Variants in ZNF215 observed in about 807,000 individuals in gnomAD.
ZNF215 encodes zinc finger protein 215.
Under a neutral mutation model 27.2 loss-of-function variants are expected in ZNF215, and 24 were observed. The observed-to-expected ratio is 0.88, with a 90% confidence interval of 0.64 to 1.24. The LOEUF (loss-of-function observed/expected upper bound fraction) is 1.24, where lower values mean the gene tolerates loss of function less well. Ranked by LOEUF, ZNF215 falls within the 50% of genes most tolerant of loss-of-function variation. The pLI, the probability that ZNF215 is intolerant of heterozygous loss-of-function variation, is 0.00. For missense variants in ZNF215, 675 were observed against 605.7 expected (o/e 1.11, Z -1.20); for synonymous variants, 210 against 204.0 (o/e 1.03, Z -0.25).
chr11:6,936,355 A>G (rs1849434102), intron 3 of ZNF215, among the ~76,000 whole-genome samples: 1 of 152,104 alleles, frequency 6.6e-6, no homozygotes, highest in South Asian at 2.1e-4. Context: ...AGAGAATACT[A>G]GGAGCAATTA....
downstream of ZNF215, chr11:6,988,222 C>T: frequency 1.0e-6 from 1 of 985,428 alleles, no homozygotes; most frequent in Non-Finnish European, 1.2e-6. Flanking sequence ...ATAGGGAGAA[C>T]ACACTGAAGG....
downstream of ZNF215, among the ~76,000 whole-genome samples, chr11:6,993,503 G>A (rs1851141715): frequency 6.6e-6 from 1 of 151,140 alleles, no homozygotes; most frequent in African/African-American, 2.4e-5. Flanking sequence ...TATGGGAGAT[G>A]GAAATTTGGT....
chr11:6,932,189 T>C lies in ZNF215; in HGVS notation c.-84T>C, dbSNP rs1038583092. On this transcript the variant is annotated 5_prime_UTR_variant, in exon 3 of 7. Transcript: ENST00000278319. The stretch of plus-strand genomic sequence containing the variant: ...TTGGCTTAAATCACACTGCATATAG[T>C]ACACAGGTGCTTAGCTCAAGCCTGA... 3.3e-6 allele frequency: 5 copies of C among 1,526,544 alleles called. No homozygotes were observed. Among genetic ancestry groups the C allele is most frequent in the Non-Finnish European group, 4.4e-6 (5 of 1,131,230 alleles). 94.6% of individuals were successfully genotyped at this position (1,526,544 alleles called of 1,614,324 possible).
At chr11:6,939,908 C>G (rs955852233) in intron 3 of ZNF215, among the ~76,000 whole-genome samples, 20 of 151,994 alleles carry the variant, frequency 1.3e-4, no homozygotes, top group Admixed American at 1.3e-3. Context: ...GATTGACATT[C>G]CACAAAGTGT....
chr11:6,973,483 C>T (rs529812560), intron 5 of ZNF215, among the ~76,000 whole-genome samples: 1 of 152,300 alleles, frequency 6.6e-6, no homozygotes, highest in African/African-American at 2.4e-5. Context: ...CTGTCTTCCA[C>T]AATGGTTGAA....
chr11:6,986,961 C>T (rs1242659889), downstream of ZNF215, among the ~76,000 whole-genome samples: 6 of 152,048 alleles, frequency 3.9e-5, no homozygotes, highest in South Asian at 2.1e-4. Context: ...TTCAGCCAAC[C>T]GTGGAGAGCA....
intron 5 of ZNF215, among the ~76,000 whole-genome samples, chr11:6,978,111 T>C (rs145702476): frequency 1.0e-3 from 154 of 152,166 alleles, no homozygotes; most frequent in African/African-American, 3.6e-3. Context: ...TTATCTCCCA[T>C]TGATATGAAA....
At chr11:6,992,614 C>G (rs1851127758), downstream of ZNF215, among the ~76,000 whole-genome samples, 2 of 152,226 alleles carry the variant, frequency 1.3e-5, no homozygotes, top group Admixed American at 1.3e-4. Flanking sequence ...AGAATTATGT[C>G]ACATGCTGTG....
At chr11:6,948,538 T>A (rs1054315140) in intron 6 of ZNF215, among the ~76,000 whole-genome samples, 2 of 152,152 alleles carry the variant, frequency 1.3e-5, no homozygotes, top group Non-Finnish European at 2.9e-5. Flanking sequence ...TGAAGTTTTT[T>A]CAATATGGAA....
chr11:6,943,948 C>G (rs1203638087), intron 6 of ZNF215, among the ~76,000 whole-genome samples: 2 of 152,122 alleles, frequency 1.3e-5, no homozygotes, highest in African/African-American at 4.8e-5. Context: ...ACTGTGAGGA[C>G]TAAATGAGTT....
At chr11:6,950,712 A>G (rs1205447828) in intron 6 of ZNF215, among the ~76,000 whole-genome samples, 1 of 150,970 alleles carries the variant, frequency 6.6e-6, no homozygotes, top group African/African-American at 2.4e-5. Context: ...TTCCTAATTG[A>G]ATACCCTTTA....
intron 3 of ZNF215, among the ~76,000 whole-genome samples, chr11:6,940,230 TAAAAAA>T (rs749709865): frequency 2.3e-4 from 30 of 133,320 alleles, no homozygotes; most frequent in Middle Eastern, 7.8e-3. Context: ...AGACCCTCTT[TAAAAAA>T]AAAAAAAAAA....
At chr11:6,947,414 G>A (rs762131230) in intron 6 of ZNF215, among the ~76,000 whole-genome samples, 34 of 152,156 alleles carry the variant, frequency 2.2e-4, no homozygotes, top group Middle Eastern at 3.4e-3. Flanking sequence ...AATAAGCTGG[G>A]CATGGTGGTG....
intron 3 of ZNF215, among the ~76,000 whole-genome samples, chr11:6,936,910 G>GA (rs1253535531): frequency 2.7e-5 from 4 of 148,980 alleles, no homozygotes; most frequent in Non-Finnish European, 6.0e-5. Context: ...AAAAGGACTA[G>GA]AAGTGAACTC....
At chr11:6,989,810 T>G (rs929800434), downstream of ZNF215, among the ~76,000 whole-genome samples, 7 of 152,118 alleles carry the variant, frequency 4.6e-5, no homozygotes, top group African/African-American at 1.7e-4. Context: ...AGGTTGTGAG[T>G]TATTTTTCAA....
intron 5 of ZNF215, among the ~76,000 whole-genome samples, chr11:6,983,063 T>G: frequency 6.6e-6 from 1 of 151,378 alleles, no homozygotes; most frequent in East Asian, 1.9e-4. Context: ...CAATAAAAAA[T>G]GATAAAGGGG....
chr11:6,959,019 C>T (rs1388649562), downstream of ZNF215, among the ~76,000 whole-genome samples: 1 of 152,186 alleles, frequency 6.6e-6, no homozygotes, highest in African/African-American at 2.4e-5. Context: ...CCTTTGGCAA[C>T]ACCCTCACAG....
At chr11:6,930,753 T>C (rs1590043293) in intron 2 of ZNF215, among the ~76,000 whole-genome samples, 1 of 152,230 alleles carries the variant, frequency 6.6e-6, no homozygotes, top group Admixed American at 6.5e-5. Context: ...CCCTATAATT[T>C]GATCAGATAT....
intron 5 of ZNF215, among the ~76,000 whole-genome samples, chr11:6,983,298 G>A (rs1030858992): frequency 1.3e-5 from 2 of 152,040 alleles, no homozygotes; most frequent in African/African-American, 4.8e-5. Context: ...TCCAGGACCA[G>A]ATGGATTCAC....
Sources: gnomAD v4.1 joint callset for allele counts (sites outside exome capture counted in the v4.1 genomes callset) on GRCh38, gnomAD v4.1.1 for gene constraint, MANE v1.5 for transcripts, NCBI Gene and HGNC (gene_info 2026-07-23, HGNC 2026-07-21) for gene names.